The following ADAMTSL3 variants were observed in gnomAD, a reference collection of about 807,000 sequenced individuals.
ADAMTSL3 encodes the protein ADAMTS-like protein 3.
In ADAMTSL3, 128 loss-of-function variants were observed where a neutral mutation model predicts 201.7. The observed-to-expected ratio is 0.63, with a 90% CI of 0.55 to 0.73. The LOEUF is 0.73. Ranked by LOEUF, ADAMTSL3 falls within the 30% of genes least tolerant of loss-of-function variation. The pLI is 0.00. For synonymous variants in ADAMTSL3, 738 were observed against 748.4 expected, an observed-to-expected ratio of 0.99 and a Z score of 0.23; for missense variants, 1,990 against 2,119.6, an observed-to-expected ratio of 0.94 and a Z score of 1.20.
intron 2 of ADAMTSL3, among the ~76,000 whole-genome samples, chr15:83,673,833 A>G (rs1291946601): frequency 6.6e-6 from 1 of 152,216 alleles, no homozygotes; most frequent in Non-Finnish European, 1.5e-5. Context: ...AAGAGAAACT[A>G]ATATGAGACT....
At chr15:83,655,077 C>T (rs1454914003) in intron 1 of ADAMTSL3, among the ~76,000 whole-genome samples, 1 of 152,192 alleles carries the variant, frequency 6.6e-6, no homozygotes, top group Non-Finnish European at 1.5e-5. Context: ...GTCCCCGCTT[C>T]CCTCCTGGTT....
intron 19 of ADAMTSL3, among the ~76,000 whole-genome samples, chr15:83,951,146 T>C (rs1487342884): frequency 6.6e-6 from 1 of 152,114 alleles, no homozygotes; most frequent in African/African-American, 2.4e-5. Flanking sequence ...TGATACTAGC[T>C]GTGGGTCTGT....
At chr15:83,733,641 C>G (rs1268979669) in intron 3 of ADAMTSL3, among the ~76,000 whole-genome samples, 3 of 152,162 alleles carry the variant, frequency 2.0e-5, no homozygotes, top group East Asian at 1.9e-4. Flanking sequence ...TTCAAATGAT[C>G]GCACCGTACT....
At chr15:83,854,394 T>C (rs960937719) in intron 7 of ADAMTSL3, among the ~76,000 whole-genome samples, 3 of 152,190 alleles carry the variant, frequency 2.0e-5, no homozygotes, top group Non-Finnish European at 2.9e-5. Flanking sequence ...ATCAGCAAGG[T>C]CTTAGGTTTA....
intron 9 of ADAMTSL3, among the ~76,000 whole-genome samples, chr15:83,877,497 T>C (rs573054276): frequency 1.3e-5 from 2 of 152,384 alleles, no homozygotes; most frequent in East Asian, 3.9e-4. Context: ...CATTGTGAGA[T>C]ATCTACTGTA....
At chr15:83,968,945 T>C (rs765422497) in intron 19 of ADAMTSL3, among the ~76,000 whole-genome samples, 2 of 151,340 alleles carry the variant, frequency 1.3e-5, no homozygotes, top group African/African-American at 2.4e-5. Flanking sequence ...TAAGTGGGAG[T>C]TGAACAATGA....
intron 3 of ADAMTSL3, among the ~76,000 whole-genome samples, chr15:83,711,867 A>G (rs1019665): frequency 0.84 from 127,532 of 152,204 alleles, 53,945 homozygotes; most frequent in East Asian, 0.96. Context: ...CATCTTCCTA[A>G]ACTCATATTT....
At chr15:83,977,165 G>A (rs570632766) in intron 20 of ADAMTSL3, among the ~76,000 whole-genome samples, 23 of 152,264 alleles carry the variant, frequency 1.5e-4, no homozygotes, top group Non-Finnish European at 2.2e-4. Flanking sequence ...CTGCGCATGC[G>A]AGGGATCTAG....
chr15:83,819,788 T>C, intron 5 of ADAMTSL3, 23 bp from the exon 6 acceptor site: 1 of 1,582,736 alleles, frequency 6.3e-7, no homozygotes. Flanking sequence ...GATGTGCATG[T>C]GGCCTTTTCC....
At chr15:83,920,859 A>G (rs1347581279) in intron 16 of ADAMTSL3, among the ~76,000 whole-genome samples, 12 of 152,114 alleles carry the variant, frequency 7.9e-5, no homozygotes, top group Non-Finnish European at 1.5e-4. Flanking sequence ...AGTTCCTACA[A>G]CTCTCTAAAT....
At chr15:83,880,923 T>C (rs1462085060) in intron 9 of ADAMTSL3, among the ~76,000 whole-genome samples, 1 of 152,096 alleles carries the variant, frequency 6.6e-6, no homozygotes, top group Admixed American at 6.6e-5. Flanking sequence ...TTTTTTTCAC[T>C]TTTTTGGGTT....
chr15:83,777,191 C>A (rs1292064334), intron 4 of ADAMTSL3, among the ~76,000 whole-genome samples: 1 of 152,230 alleles, frequency 6.6e-6, no homozygotes, highest in Non-Finnish European at 1.5e-5. Flanking sequence ...TCCTGCCCAC[C>A]CCTAGCTGCA....
intron 19 of ADAMTSL3, among the ~76,000 whole-genome samples, chr15:83,965,334 C>A (rs1596473989): frequency 2.7e-5 from 3 of 110,076 alleles, no homozygotes; most frequent in Admixed American, 1.2e-4. Context: ...GAATATTTAC[C>A]AAGCAAATGG....
At chr15:84,031,210 G>A (rs1359891080) in intron 27 of ADAMTSL3, 125 bp from the exon 28 acceptor site, 1 of 888,532 alleles carries the variant, frequency 1.1e-6, no homozygotes. Context: ...ACTCCCCCCT[G>A]GGGACAGTTG....
intron 3 of ADAMTSL3, among the ~76,000 whole-genome samples, chr15:83,753,107 C>A (rs1377683207): frequency 6.6e-6 from 1 of 152,166 alleles, no homozygotes; most frequent in African/African-American, 2.4e-5. Flanking sequence ...TAAGTGACTT[C>A]TAACTTTGCT....
chr15:83,907,117 G>A (rs4991036), intron 15 of ADAMTSL3, among the ~76,000 whole-genome samples: 760 of 25,698 alleles, frequency 0.03, 44 homozygotes, highest in African/African-American at 0.12. Flanking sequence ...AAAAAAAAAA[G>A]AGAGAGTCTA....
chr15:83,847,405 C>T (rs887128985), intron 7 of ADAMTSL3, among the ~76,000 whole-genome samples: 1 of 152,028 alleles, frequency 6.6e-6, no homozygotes, highest in Admixed American at 6.5e-5. Flanking sequence ...ACTGCTCCTA[C>T]AGAATGACAG....
intron 5 of ADAMTSL3, among the ~76,000 whole-genome samples, chr15:83,805,558 A>G (rs1166280580): frequency 4.7e-5 from 7 of 149,374 alleles, no homozygotes; most frequent in Non-Finnish European, 5.9e-5. Context: ...CTCTGTCTCA[A>G]AAAAAAAAAA....
At chr15:83,680,548 T>C (rs1361036661) in intron 2 of ADAMTSL3, among the ~76,000 whole-genome samples, 2 of 151,416 alleles carry the variant, frequency 1.3e-5, no homozygotes, top group Non-Finnish European at 2.9e-5. Flanking sequence ...TGTTTTCTTC[T>C]AGTATGTCTT....
Sources: allele counts gnomAD v4.1 joint callset (sites outside exome capture counted in the v4.1 genomes callset), GRCh38; gene constraint gnomAD v4.1.1; transcripts MANE v1.5; gene names NCBI Gene and HGNC (gene_info 2026-07-23, HGNC 2026-07-21).